Variants in BCKDHB observed in about 807,000 individuals in gnomAD.
BCKDHB encodes 2-oxoisovalerate dehydrogenase subunit beta, mitochondrial.
A neutral mutation model predicts 48.5 loss-of-function variants in BCKDHB; 41 were observed. The ratio of observed to expected loss-of-function variants is 0.85; its 90% CI spans 0.66 to 1.10. The LOEUF is 1.10. BCKDHB is among the 50% of genes least tolerant of loss of function. The probability of loss-of-function intolerance (pLI) is 0.00; values close to 1 mark genes in which losing one functional copy is unlikely to be tolerated. For missense variants in BCKDHB, 496 were observed against 494.2 expected (o/e 1.00, Z -0.03); for synonymous variants, 201 against 174.8 (o/e 1.15, Z -1.18).
rs200966034 is a variant in BCKDHB at position 80,232,723 on chromosome 6, GAT to G, written c.951+29514_951+29515del. Among the ~76,000 whole-genome samples the G allele has an allele frequency of 4.9e-3, 719 of 147,310 alleles. 5 individuals carry two copies. The highest frequency in any genetic ancestry group is 0.017 in the African/African-American group (687 of 40,520). On this transcript the variant is annotated intron_variant, in intron 8 of 9. Coordinates refer to ENST00000320393, the MANE Select transcript of BCKDHB (RefSeq NM_183050.4). ...AATATATTTAATATTATATTAAAGA[GAT>G]ATGTATGTTCTATATAGAGATATGA...
At chr6:80,254,939 T>A (rs1431123975) in intron 8 of BCKDHB, among the ~76,000 whole-genome samples, 2 of 152,162 alleles carry the variant, frequency 1.3e-5, no homozygotes, top group Non-Finnish European at 2.9e-5. Context: ...GATAAAATTA[T>A]CTCTCTGTTT....
intron 9 of BCKDHB, among the ~76,000 whole-genome samples, chr6:80,338,716 A>G (rs1039899044): frequency 6.6e-6 from 1 of 152,120 alleles, no homozygotes; most frequent in Admixed American, 6.5e-5. Context: ...TAAATATGGG[A>G]TTCCTTTAAC....
the BCKDHB span, among the ~76,000 whole-genome samples, chr6:80,428,582 T>G: frequency 6.6e-6 from 1 of 152,210 alleles, no homozygotes; most frequent in African/African-American, 2.4e-5. Context: ...TGTGAAATGG[T>G]ATCTCATTGT....
intron 1 of BCKDHB, among the ~76,000 whole-genome samples, chr6:80,107,345 A>G (rs991265539): frequency 6.8e-6 from 1 of 146,230 alleles, no homozygotes; most frequent in Non-Finnish European, 1.5e-5. Flanking sequence ...TATATTATAT[A>G]TAAAATATAT....
intron 8 of BCKDHB, among the ~76,000 whole-genome samples, chr6:80,228,707 C>G (rs73748754): frequency 0.02 from 2,972 of 152,146 alleles, 88 homozygotes; most frequent in African/African-American, 0.068. Context: ...TGATAGCCAG[C>G]CTTTGGTGCT....
At chr6:80,200,479 A>C (rs980948429) in intron 6 of BCKDHB, among the ~76,000 whole-genome samples, 4 of 152,218 alleles carry the variant, frequency 2.6e-5, no homozygotes, top group Non-Finnish European at 5.9e-5. Flanking sequence ...CAGTTTAATA[A>C]AGTTTTATCA....
chr6:80,317,634 T>C (rs1439529274), intron 9 of BCKDHB, among the ~76,000 whole-genome samples: 1 of 152,232 alleles, frequency 6.6e-6, no homozygotes, highest in Non-Finnish European at 1.5e-5. Context: ...TAATTACACC[T>C]GCAAAGTCCC....
chr6:80,153,501 G>T (rs1771892597), intron 3 of BCKDHB, among the ~76,000 whole-genome samples: 1 of 152,220 alleles, frequency 6.6e-6, no homozygotes, highest in East Asian at 1.9e-4. Flanking sequence ...CCAGCTGATG[G>T]TCTGGGATCC....
At chr6:80,334,344 T>A (rs1422608689) in intron 9 of BCKDHB, among the ~76,000 whole-genome samples, 1 of 152,136 alleles carries the variant, frequency 6.6e-6, no homozygotes, top group East Asian at 1.9e-4. Flanking sequence ...CAATTTTTTC[T>A]TACTTAGGTC....
intron 8 of BCKDHB, 94 bp from the exon 9 acceptor site, chr6:80,273,041 G>A (rs1777817299): frequency 7.8e-6 from 7 of 897,482 alleles, no homozygotes; most frequent in Non-Finnish European, 1.2e-5. Flanking sequence ...TTTATTGAAT[G>A]TATATAATTT....
intron 3 of BCKDHB, among the ~76,000 whole-genome samples, chr6:80,148,941 A>G (rs1185651528): frequency 1.3e-5 from 2 of 152,234 alleles, no homozygotes; most frequent in Non-Finnish European, 2.9e-5. Context: ...ACCAAAATCA[A>G]TGGCAACAAA....
chr6:80,322,238 CTT>C (rs776940885), intron 9 of BCKDHB, among the ~76,000 whole-genome samples: 16 of 116,620 alleles, frequency 1.4e-4, no homozygotes, highest in African/African-American at 3.3e-4. Context: ...TCTTTCTTTT[CTT>C]TTTTTTTTTT....
the BCKDHB span, among the ~76,000 whole-genome samples, chr6:80,448,779 A>C: frequency 6.6e-6 from 1 of 152,188 alleles, no homozygotes; most frequent in Non-Finnish European, 1.5e-5. Flanking sequence ...GATATCCTTG[A>C]TGCCATGAAA....
At chr6:80,439,941 G>A in the BCKDHB span, among the ~76,000 whole-genome samples, 69 of 152,306 alleles carry the variant, frequency 4.5e-4, no homozygotes, top group African/African-American at 1.6e-3. Context: ...CAACAGAATA[G>A]TATAATGCCT....
the BCKDHB span, among the ~76,000 whole-genome samples, chr6:80,384,639 G>T: frequency 3.3e-5 from 5 of 152,118 alleles, no homozygotes; most frequent in African/African-American, 4.8e-5. Context: ...TTACAGGTAT[G>T]AGCCGCCGTG....
intron 6 of BCKDHB, among the ~76,000 whole-genome samples, chr6:80,175,067 G>A (rs1773087642): frequency 6.6e-6 from 1 of 152,178 alleles, no homozygotes; most frequent in Admixed American, 6.5e-5. Context: ...GGGCTAGTGT[G>A]ATAGTTCCTC....
At chr6:80,263,257 C>A (rs1777378606) in intron 8 of BCKDHB, among the ~76,000 whole-genome samples, 1 of 152,082 alleles carries the variant, frequency 6.6e-6, no homozygotes, top group Admixed American at 6.6e-5. Context: ...GTATTCCTAC[C>A]TTCTCTATTA....
At chr6:80,188,280 G>T (rs1040898962) in intron 6 of BCKDHB, among the ~76,000 whole-genome samples, 1 of 152,148 alleles carries the variant, frequency 6.6e-6, no homozygotes, top group Non-Finnish European at 1.5e-5. Flanking sequence ...AATACCACAT[G>T]TTCTCACTTA....
chr6:80,413,136 T>A, the BCKDHB span, among the ~76,000 whole-genome samples: 1 of 152,214 alleles, frequency 6.6e-6, no homozygotes, highest in African/African-American at 2.4e-5. Context: ...ACTCTTATAA[T>A]GATATATAAT....
Sources: allele counts gnomAD v4.1 joint callset (sites outside exome capture counted in the v4.1 genomes callset), GRCh38; gene constraint gnomAD v4.1.1; transcripts MANE v1.5; gene names NCBI Gene and HGNC (gene_info 2026-07-23, HGNC 2026-07-21).